The following PFDN2 variants were observed in gnomAD, a reference collection of about 807,000 sequenced individuals.
PFDN2 encodes the protein prefoldin 2.
PFDN2 carries 7 observed loss-of-function variants against 18.3 expected under a neutral mutation model. The ratio of observed to expected loss-of-function variants is 0.38; its 90% confidence interval spans 0.22 to 0.72. PFDN2 has a LOEUF of 0.72. Ranked by LOEUF, PFDN2 falls within the 30% of genes least tolerant of loss-of-function variation. PFDN2 has a pLI of 0.47. For missense variants in PFDN2, 181 were observed against 199.1 expected (o/e 0.91, Z 0.55); for synonymous variants, 76 against 75.0 (o/e 1.01, Z -0.07).
intron 1 of PFDN2, among the ~76,000 whole-genome samples, chr1:161,106,389 C>A (rs1206341373): frequency 6.6e-6 from 1 of 152,140 alleles, no homozygotes; most frequent in African/African-American, 2.4e-5. Context: ...TGTAAATAAG[C>A]CAATATTAAG....
At chr1:161,101,923 T>C (rs878994003) in intron 3 of PFDN2, 125 bp downstream of exon 3, 2 of 877,806 alleles carry the variant, frequency 2.3e-6, no homozygotes, top group Non-Finnish European at 3.5e-6. Flanking sequence ...TGTAGTGATA[T>C]GGTTTCACCA....
intron 1 of PFDN2, among the ~76,000 whole-genome samples, chr1:161,106,800 G>A (rs1339106559): frequency 6.6e-6 from 1 of 151,122 alleles, no homozygotes; most frequent in East Asian, 2.0e-4. Context: ...CACCACTCCT[G>A]GCTAGTTTTT....
chr1:161,113,836 T>C (rs940799230), intron 1 of PFDN2, among the ~76,000 whole-genome samples: 3 of 152,194 alleles, frequency 2.0e-5, no homozygotes, highest in African/African-American at 7.2e-5. Context: ...TTTGCTTCCA[T>C]CTTGTTTGTA....
Position 161,102,143 on chromosome 1 carries a change from C to G in PFDN2, c.193G>C (p.Asp65His). ...ATGCGGTAGCACTTACGAGTTTCATCTACCTCCTTCAGTGTATCGATCACT... is the reference window on the plus strand; with the variant it reads ...ATGCGGTAGCACTTACGAGTTTCATGTACCTCCTTCAGTGTATCGATCACT... ...SLVIDTLKEV[D>H]ETRKCYRMVG... is the part of the protein sequence containing the mutation. Residue 65 changes from aspartate to histidine, a missense_variant, in exon 3 of 4, where the codon GAT (aspartate) becomes CAT (histidine). Coordinates refer to ENST00000368010, the MANE Select transcript of PFDN2 (RefSeq NM_012394.4). 1 of 1,614,216 alleles carries G rather than the reference C, an allele frequency of 6.2e-7. No individual in the cohort carries two copies. Among genetic ancestry groups the G allele is most frequent in the South Asian group, 1.1e-5 (1 of 91,086 alleles).
chr1:161,104,359 G>C (rs1654637051), intron 1 of PFDN2, among the ~76,000 whole-genome samples: 1 of 151,672 alleles, frequency 6.6e-6, no homozygotes, highest in South Asian at 2.1e-4. Flanking sequence ...ATCATCTCCA[G>C]TCACACAGCC....
chr1:161,103,683 C>CAAAAAAAAAAAAAAAAAAAAA (rs553472563), intron 1 of PFDN2, among the ~76,000 whole-genome samples: 2 of 74,916 alleles, frequency 2.7e-5, no homozygotes, highest in African/African-American at 1.1e-4. Flanking sequence ...GACTCCGTCT[C>CAAAAAAAAAAAAAAAAAAAAA]AAAAAAAAAA....
chr1:161,103,505 T>G (rs566805249), intron 1 of PFDN2, among the ~76,000 whole-genome samples: 1 of 150,896 alleles, frequency 6.6e-6, no homozygotes, highest in Admixed American at 6.6e-5. Context: ...CTGGCCAACA[T>G]GGTGAAACCC....
intron 1 of PFDN2, among the ~76,000 whole-genome samples, chr1:161,103,774 C>G (rs1450887389): frequency 6.9e-6 from 1 of 143,894 alleles, no homozygotes; most frequent in Admixed American, 7.1e-5. Flanking sequence ...AGAATTGATA[C>G]AGGCTTCCTG....
At chr1:161,108,213 G>A (rs775678630) in intron 1 of PFDN2, among the ~76,000 whole-genome samples, 15 of 150,328 alleles carry the variant, frequency 1.0e-4, no homozygotes, top group Non-Finnish European at 1.9e-4. Context: ...ACCACTTTGG[G>A]AGGCCAAGGC....
intron 1 of PFDN2, 62 bp downstream of exon 1, chr1:161,117,890 C>G (rs937245445): frequency 1.5e-4 from 215 of 1,394,632 alleles, no homozygotes; most frequent in Non-Finnish European, 2.0e-4. Context: ...CCACAGGCTC[C>G]CCCTTCTCGC....
At chr1:161,104,615 G>T (rs1454463960) in intron 1 of PFDN2, among the ~76,000 whole-genome samples, 1 of 151,696 alleles carries the variant, frequency 6.6e-6, no homozygotes, top group East Asian at 1.9e-4. Context: ...TTTTTGTAGA[G>T]ACAGGATCTT....
intron 1 of PFDN2, among the ~76,000 whole-genome samples, chr1:161,107,858 A>G (rs1031642662): frequency 6.6e-6 from 1 of 151,574 alleles, no homozygotes; most frequent in Non-Finnish European, 1.5e-5. Flanking sequence ...TCACACCTGT[A>G]ATCCCAGCAC....
At chr1:161,117,059 C>A (rs1252645236) in intron 1 of PFDN2, among the ~76,000 whole-genome samples, 1 of 151,400 alleles carries the variant, frequency 6.6e-6, no homozygotes, top group African/African-American at 2.4e-5. Flanking sequence ...ATGGTGAAAC[C>A]CCGTCTCTAC....
At chr1:161,112,768 C>T (rs1654835230) in intron 1 of PFDN2, among the ~76,000 whole-genome samples, 1 of 152,142 alleles carries the variant, frequency 6.6e-6, no homozygotes, top group Non-Finnish European at 1.5e-5. Flanking sequence ...CCCAAACCTA[C>T]CCTACACACT....
At chr1:161,111,804 C>T (rs1654814973) in intron 1 of PFDN2, among the ~76,000 whole-genome samples, 1 of 152,128 alleles carries the variant, frequency 6.6e-6, no homozygotes, top group South Asian at 2.1e-4. Flanking sequence ...TCTTCATTAC[C>T]TACATTATTT....
At chr1:161,116,487 C>T (rs1389464778) in intron 1 of PFDN2, among the ~76,000 whole-genome samples, 1 of 151,948 alleles carries the variant, frequency 6.6e-6, no homozygotes, top group Non-Finnish European at 1.5e-5. Flanking sequence ...GCACTCCAGC[C>T]TCGGCAACAG....
At chr1:161,109,907 G>T (rs776181714) in intron 1 of PFDN2, among the ~76,000 whole-genome samples, 1 of 151,284 alleles carries the variant, frequency 6.6e-6, no homozygotes, top group African/African-American at 2.4e-5. Flanking sequence ...AAAATTAGCT[G>T]GGCGTGGTGG....
At chr1:161,102,684 G>T (rs904170832) in intron 1 of PFDN2, among the ~76,000 whole-genome samples, 1 of 152,102 alleles carries the variant, frequency 6.6e-6, no homozygotes, top group Non-Finnish European at 1.5e-5. Context: ...TGGGGGCCAG[G>T]TGCGGTGGCT....
intron 3 of PFDN2, 57 bp downstream of exon 3, chr1:161,101,991 C>T (rs1654573921): frequency 1.2e-6 from 2 of 1,601,758 alleles, no homozygotes; most frequent in South Asian, 1.1e-5. Context: ...CCTTGGCCTC[C>T]CAAAGTGCTG....
Sources: allele counts gnomAD v4.1 joint callset (sites outside exome capture counted in the v4.1 genomes callset), GRCh38; gene constraint gnomAD v4.1.1; transcripts MANE v1.5; gene names NCBI Gene and HGNC (gene_info 2026-07-23, HGNC 2026-07-21).